ZSCAN25: variants seen among roughly 807,000 people sequenced by gnomAD.
The protein encoded by ZSCAN25 is zinc finger and SCAN domain containing 25.
In ZSCAN25, 27 loss-of-function variants were observed where a neutral mutation model predicts 38.7. The ratio of observed to expected loss-of-function variants is 0.70; its 90% CI spans 0.51 to 0.96. The LOEUF is 0.96. Among genes scored for constraint, ZSCAN25 ranks in the 40% least tolerant of loss-of-function variants. ZSCAN25 has a pLI of 0.00. For synonymous variants in ZSCAN25, 273 were observed against 277.7 expected, an observed-to-expected ratio of 0.98 and a Z score of 0.17; for missense variants, 637 against 705.9, an observed-to-expected ratio of 0.90 and a Z score of 1.11.
the ZSCAN25 span, chr7:99,667,121 G>A: frequency 6.7e-7 from 1 of 1,497,332 alleles, no homozygotes; most frequent in Non-Finnish European, 9.2e-7. Context: ...CTTCATGGTT[G>A]CACAAAATAT....
rs759339727 is a variant in ZSCAN25 at position 99,629,839 on chromosome 7, C to A, written c.1454C>A (p.Pro485Gln). Residue 485 changes from proline (P) to glutamine (Q), a missense_variant, in exon 8 of 8, where the codon CCA becomes CAA. Transcript: ENST00000394152. This position sits in a 1 kb window ranked among gnomAD's most constrained non-coding sequence, Gnocchi z 5.6. ...VHRRAHTGEKPYGCQVCGKRF... is the reference protein window; with the variant it reads ...VHRRAHTGEKQYGCQVCGKRF... ...CGGCGTGCCCACACTGGCGAGAAGC[C>A]ATATGGGTGCCAGGTGTGCGGGAAG... 1 of 1,614,220 alleles carries A rather than the reference C, an allele frequency of 6.2e-7. No homozygotes were observed. The highest frequency in any genetic ancestry group is 1.7e-5 in the Admixed American group (1 of 60,032).
intron 4 of ZSCAN25, chr7:99,620,198 G>T (rs989342261): frequency 1.4e-6 from 1 of 708,222 alleles, no homozygotes. Flanking sequence ...ATGCAGAAGG[G>T]CCTGAAGCCT....
At position 99,619,547 on chromosome 7, in the gene ZSCAN25, C is replaced by T. The variant is rs1381948956; in HGVS notation, c.-46-14C>T. Reference sequence around the variant, plus strand: ...GGATGGGCTGACCTTTCATGTGTCTCTTGTTCTCAAAAGGGTCATTGATGC... The same window carrying T: ...GGATGGGCTGACCTTTCATGTGTCTTTTGTTCTCAAAAGGGTCATTGATGC... On this transcript the variant is annotated splice_polypyrimidine_tract_variant and intron_variant, in intron 3 of 7. Transcript: ENST00000394152. 2.0e-6 allele frequency: 3 copies of T among 1,535,486 alleles called. No individual in the cohort carries two copies. In the African/African-American group the frequency reaches 4.1e-5, roughly 21 times the overall value.
the ZSCAN25 span, among the ~76,000 whole-genome samples, chr7:99,686,897 G>C: frequency 6.6e-6 from 1 of 152,206 alleles, no homozygotes; most frequent in Middle Eastern, 3.2e-3. Context: ...AGGCACCACT[G>C]CTGATACCCA....
chr7:99,659,857 C>T, the ZSCAN25 span: 1 of 152,696 alleles, frequency 6.5e-6, no homozygotes, highest in African/African-American at 2.4e-5. Context: ...GCTCCATGGG[C>T]GTAGGACCCT....
the ZSCAN25 span, among the ~76,000 whole-genome samples, chr7:99,646,606 A>T: frequency 6.6e-6 from 1 of 152,172 alleles, no homozygotes. Context: ...TCCTGGCACA[A>T]AAAGTGTCCT....
At chr7:99,674,833 A>G in the ZSCAN25 span, among the ~76,000 whole-genome samples, 5 of 152,356 alleles carry the variant, frequency 3.3e-5, no homozygotes, top group Middle Eastern at 3.4e-3. Context: ...GTCTATGACC[A>G]GTAAGTAATT....
the ZSCAN25 span, among the ~76,000 whole-genome samples, chr7:99,735,651 C>T: frequency 6.6e-6 from 1 of 152,170 alleles, no homozygotes; most frequent in African/African-American, 2.4e-5. Flanking sequence ...TCACCAACCC[C>T]CTCACACAGA....
At chr7:99,652,534 T>C in the ZSCAN25 span, 1 of 1,568,052 alleles carries the variant, frequency 6.4e-7, no homozygotes, top group Non-Finnish European at 8.7e-7. Context: ...GTGAGCTCCA[T>C]TTCCCTGGAG....
intron 6 of ZSCAN25, among the ~76,000 whole-genome samples, chr7:99,623,328 C>T (rs186393399): frequency 6.6e-6 from 1 of 152,310 alleles, no homozygotes; most frequent in East Asian, 1.9e-4. Context: ...TTTGGCCATA[C>T]AGGCCACACT....
chr7:99,621,324 A>G (rs1806933840), intron 4 of ZSCAN25, 49 bp from the exon 5 acceptor site: 1 of 1,311,038 alleles, frequency 7.6e-7, no homozygotes, highest in Non-Finnish European at 9.8e-7. Flanking sequence ...TCCCTTCATA[A>G]CAGCCTTGCC....
At chr7:99,687,187 A>C in the ZSCAN25 span, among the ~76,000 whole-genome samples, 1 of 152,246 alleles carries the variant, frequency 6.6e-6, no homozygotes, top group African/African-American at 2.4e-5. Flanking sequence ...GACTTTGGCA[A>C]GTTGAGAGAA....
chr7:99,646,294 G>A, the ZSCAN25 span, among the ~76,000 whole-genome samples: 2 of 151,818 alleles, frequency 1.3e-5, no homozygotes, highest in South Asian at 2.1e-4. Context: ...TTCTTTCATC[G>A]GTGTTTTATA....
intron 7 of ZSCAN25, among the ~76,000 whole-genome samples, chr7:99,625,280 A>G (rs965655525): frequency 2.0e-5 from 3 of 152,118 alleles, no homozygotes; most frequent in Non-Finnish European, 2.9e-5. Flanking sequence ...TTGTTTAGTT[A>G]GTGCTGTAAG....
chr7:99,663,614 C>T, the ZSCAN25 span: 1 of 998,752 alleles, frequency 1.0e-6, no homozygotes, highest in Non-Finnish European at 1.2e-6. Context: ...GATTCTTTAC[C>T]AATCTGTGAT....
chr7:99,632,312 T>G lies in ZSCAN25; in HGVS notation c.*2292T>G, dbSNP rs1327538004. On this transcript the variant is annotated 3_prime_UTR_variant, in exon 8 of 8. Coordinates refer to ENST00000394152, the MANE Select transcript of ZSCAN25 (RefSeq NM_145115.3). ...TTTTGTTTTCTGTATTTTTCTATTC[T>G]TTAGAAATTTTTTTATAATAGATAA... 1.1e-6 allele frequency: 1 copy of G among 909,576 alleles called. No homozygotes were observed. The highest frequency in any genetic ancestry group is 1.8e-5 in the African/African-American group (1 of 55,324). The allele number at this position is 909,576 out of a possible 1,614,324, so 56.3% of individuals were successfully genotyped here.
chr7:99,650,532 C>T, the ZSCAN25 span, among the ~76,000 whole-genome samples: 1 of 152,132 alleles, frequency 6.6e-6, no homozygotes, highest in Non-Finnish European at 1.5e-5. Context: ...TGTGTTCACA[C>T]TATAAAAGGC....
the ZSCAN25 span, chr7:99,650,319 C>T: frequency 5.0e-6 from 6 of 1,196,610 alleles, no homozygotes; most frequent in Non-Finnish European, 7.3e-6. Flanking sequence ...AGAACAACCC[C>T]CCTCCACCTC....
the ZSCAN25 span, chr7:99,652,590 T>C: frequency 3.1e-6 from 5 of 1,613,874 alleles, no homozygotes; most frequent in South Asian, 3.3e-5. Flanking sequence ...GTCCAGTACT[T>C]TGGGTCATGG....
Sources: gnomAD v4.1 joint callset for allele counts (sites outside exome capture counted in the v4.1 genomes callset) on GRCh38, gnomAD v4.1.1 for gene constraint, Gnocchi (gnomAD v3.1) non-coding constraint, MANE v1.5 for transcripts, NCBI Gene and HGNC (gene_info 2026-07-23, HGNC 2026-07-21) for gene names.